Variants in ANKIB1 observed in about 807,000 individuals in gnomAD.
ANKIB1 encodes the protein ankyrin repeat and IBR domain-containing protein 1.
Under a neutral mutation model 122.1 loss-of-function variants are expected in ANKIB1, and 43 were observed. That is an observed-to-expected ratio of 0.35 (90% confidence interval 0.28 to 0.45). The LOEUF (loss-of-function observed/expected upper bound fraction) is 0.45. Among genes scored for constraint, ANKIB1 ranks in the 20% least tolerant of loss-of-function variants. The probability of loss-of-function intolerance (pLI) is 1.00; values close to 1 mark genes in which losing one functional copy is unlikely to be tolerated. For missense variants in ANKIB1, 992 were observed against 1,329.5 expected, an observed-to-expected ratio of 0.75 and a Z score of 3.95; for synonymous variants, 390 against 442.0, an observed-to-expected ratio of 0.88 and a Z score of 1.48.
rs1443845514 is a variant in ANKIB1, at chr7:92,396,419, G to A, written c.2338G>A (p.Val780Ile). The A allele has an allele frequency of 6.3e-7, 1 of 1,599,336 alleles. No homozygotes were observed. Among genetic ancestry groups the A allele is most frequent in the African/African-American group, 1.3e-5 (1 of 74,818 alleles). Residue 780 changes from valine to isoleucine, a missense_variant, in exon 18 of 20, where the codon GTT (valine) becomes ATT (isoleucine). Around this residue, in one of 4 missense-constraint regions of ANKIB1, gnomAD observed 384 missense variants for 412.0 expected, o/e 0.93. Coordinates refer to ENST00000265742, the MANE Select transcript of ANKIB1 (RefSeq NM_019004.2). ...RRHRQRRRGD[V>I]HSLLSNPPDP... is the part of the protein sequence containing the mutation. ...GCACAGACAACGTCGTCGAGGAGAT[G>A]TTCACAGTCTACTCAGTAATCCTCC...
intron 5 of ANKIB1, among the ~76,000 whole-genome samples, chr7:92,330,026 G>A (rs1187531433): frequency 2.0e-5 from 3 of 152,158 alleles, no homozygotes; most frequent in Non-Finnish European, 2.9e-5. Flanking sequence ...ATTTTTGGTA[G>A]ACTTTATGAC....
At chr7:92,331,442 A>G (rs183345269) in intron 5 of ANKIB1, among the ~76,000 whole-genome samples, 3 of 151,878 alleles carry the variant, frequency 2.0e-5, no homozygotes, top group East Asian at 1.9e-4. Flanking sequence ...TAATTTTTGT[A>G]TTTTTAGTAG....
intron 11 of ANKIB1, among the ~76,000 whole-genome samples, chr7:92,383,057 A>G (rs1260065460): frequency 1.3e-5 from 2 of 152,198 alleles, no homozygotes; most frequent in Non-Finnish European, 1.5e-5. Context: ...GATAAAGGGG[A>G]TATCACCACT....
At position 92,396,712 on chromosome 7, in the gene ANKIB1, C is replaced by T. The variant is rs531116088; in HGVS notation, c.2395+236C>T. Among the ~76,000 whole-genome samples, 11 of 152,310 alleles carry T rather than the reference C, an allele frequency of 7.2e-5. No homozygotes were observed. The East Asian group carries it at 1.9e-3, about 27-fold the overall frequency. On this transcript the variant is annotated intron_variant, in intron 18 of 19. Coordinates refer to ENST00000265742, the MANE Select transcript of ANKIB1 (RefSeq NM_019004.2). Reference sequence around the variant, plus strand: ...CTGCATATTAGCTGTGTAACCTAGTCAGGTCACAACCTCTCTAAGGTTGTT... The same window carrying T: ...CTGCATATTAGCTGTGTAACCTAGTTAGGTCACAACCTCTCTAAGGTTGTT...
intron 17 of ANKIB1, among the ~76,000 whole-genome samples, chr7:92,395,258 C>T (rs1804862717): frequency 6.6e-6 from 1 of 152,156 alleles, no homozygotes; most frequent in African/African-American, 2.4e-5. Flanking sequence ...GGACATCTGC[C>T]TAAGTCTGTG....
At chr7:92,300,731 T>G (rs1802442071) in intron 2 of ANKIB1, among the ~76,000 whole-genome samples, 1 of 152,132 alleles carries the variant, frequency 6.6e-6, no homozygotes, top group South Asian at 2.1e-4. Context: ...TATACTTTTG[T>G]AGCAAATTTC....
intron 1 of ANKIB1, among the ~76,000 whole-genome samples, chr7:92,256,022 G>C (rs1016844473): frequency 4.6e-5 from 7 of 152,210 alleles, no homozygotes; most frequent in African/African-American, 1.7e-4. Flanking sequence ...TAAGTTGAGT[G>C]TAGTATCAAG....
chr7:92,295,124 C>T lies in ANKIB1; in HGVS notation c.146C>T (p.Pro49Leu). 1 of 1,569,458 alleles carries T rather than the reference C, an allele frequency of 6.4e-7. No homozygotes were observed. Among genetic ancestry groups the T allele is most frequent in the Non-Finnish European group, 8.6e-7 (1 of 1,156,136 alleles). ...GGGGAGCCCTACCAGCACAATACTC[C>T]ATTACATTATGCTGCTAGACATGGA... ...SYGEPYQHNTPLHYAARHGMN... is the reference protein window; with the variant it reads ...SYGEPYQHNTLLHYAARHGMN... The change falls in exon 2 of 20, where the codon CCA (proline) becomes CTA (leucine). Residue 49 changes from proline (P) to leucine (L), a missense_variant. Around this residue, in one of 4 missense-constraint regions of ANKIB1, gnomAD observed 54 missense variants for 112.3 expected, o/e 0.48. Coordinates refer to ENST00000265742, the MANE Select transcript of ANKIB1 (RefSeq NM_019004.2).
At chr7:92,392,580 G>A (rs1804807334) in intron 17 of ANKIB1, among the ~76,000 whole-genome samples, 1 of 152,012 alleles carries the variant, frequency 6.6e-6, no homozygotes, top group Admixed American at 6.5e-5. Context: ...TTTGTTAATA[G>A]AGAGAATTTA....
chr7:92,293,083 T>C (rs772898325), intron 1 of ANKIB1, among the ~76,000 whole-genome samples: 1 of 152,184 alleles, frequency 6.6e-6, no homozygotes, highest in Non-Finnish European at 1.5e-5. Flanking sequence ...ACCTCCAGAA[T>C]AGGCTTGGCA....
chr7:92,377,855 G>T (rs1804419099), intron 11 of ANKIB1, among the ~76,000 whole-genome samples: 1 of 151,784 alleles, frequency 6.6e-6, no homozygotes, highest in Non-Finnish European at 1.5e-5. Flanking sequence ...AACACTTAAA[G>T]CAATGGGCCC....
intron 11 of ANKIB1, among the ~76,000 whole-genome samples, chr7:92,381,495 G>C (rs911256790): frequency 2.6e-5 from 4 of 152,162 alleles, no homozygotes; most frequent in African/African-American, 9.7e-5. Context: ...CAGAGAGAAA[G>C]GTCAGGTTAC....
intron 3 of ANKIB1, among the ~76,000 whole-genome samples, chr7:92,310,526 A>G (rs1457369560): frequency 1.3e-5 from 2 of 152,188 alleles, no homozygotes; most frequent in East Asian, 3.8e-4. Context: ...TATATTAACT[A>G]TCTCCAGAAG....
intron 11 of ANKIB1, among the ~76,000 whole-genome samples, chr7:92,378,374 T>TATAAGA (rs999608283): frequency 2.0e-5 from 3 of 151,654 alleles, no homozygotes; most frequent in Admixed American, 1.3e-4. Flanking sequence ...CTTCCACCTA[T>TATAAGA]ATAAGAATGG....
chr7:92,369,497 A>G (rs1283596029), intron 10 of ANKIB1, among the ~76,000 whole-genome samples: 1 of 152,114 alleles, frequency 6.6e-6, no homozygotes, highest in Non-Finnish European at 1.5e-5. Context: ...AGCCCTTCCA[A>G]TCCATACACA....
intron 12 of ANKIB1, 98 bp downstream of exon 12, chr7:92,386,741 T>C (rs1000458983): frequency 8.7e-7 from 1 of 1,143,476 alleles, no homozygotes; most frequent in African/African-American, 1.6e-5. Flanking sequence ...TAATAAAGTA[T>C]TAAATTGAAT....
At chr7:92,318,533 G>T (rs1053773683) in intron 3 of ANKIB1, among the ~76,000 whole-genome samples, 11 of 152,058 alleles carry the variant, frequency 7.2e-5, no homozygotes, top group African/African-American at 2.4e-4. Context: ...ATAATCCTGT[G>T]ACTGTCAGGC....
chr7:92,354,124 C>G (rs1255181965), intron 9 of ANKIB1, among the ~76,000 whole-genome samples: 12 of 152,104 alleles, frequency 7.9e-5, no homozygotes, highest in Non-Finnish European at 1.8e-4. Context: ...TCCCCATTCT[C>G]TTTGTATGCT....
intron 2 of ANKIB1, among the ~76,000 whole-genome samples, chr7:92,300,245 C>A (rs1321486302): frequency 6.6e-6 from 1 of 152,150 alleles, no homozygotes; most frequent in Non-Finnish European, 1.5e-5. Context: ...TATTTAAAGA[C>A]CTACAGGAAA....
Sources: gnomAD v4.1 joint callset for allele counts (sites outside exome capture counted in the v4.1 genomes callset) on GRCh38, gnomAD v4.1.1 for gene constraint, gnomAD v4.1.1 regional missense constraint, MANE v1.5 for transcripts, NCBI Gene and HGNC (gene_info 2026-07-23, HGNC 2026-07-21) for gene names.